Variants in KIRREL3 observed in about 807,000 individuals in gnomAD.
KIRREL3 encodes the protein kin of IRRE-like protein 3.
Under a neutral mutation model 89.7 loss-of-function variants are expected in KIRREL3, and 36 were observed. That is an observed-to-expected ratio of 0.40 (90% CI 0.31 to 0.53). The LOEUF (loss-of-function observed/expected upper bound fraction) is 0.53, where lower values mean the gene tolerates loss of function less well. Among genes scored for constraint, KIRREL3 ranks in the 20% least tolerant of loss-of-function variants. The pLI is 0.49. For missense variants in KIRREL3, 864 were observed against 1,056.6 expected (o/e 0.82, Z 2.53); for synonymous variants, 445 against 441.4 (o/e 1.01, Z -0.10).
intron 9 of KIRREL3, among the ~76,000 whole-genome samples, chr11:126,445,941 G>A (rs1311168355): frequency 6.6e-6 from 1 of 152,188 alleles, no homozygotes. Context: ...CTGAGGTTGG[G>A]AGTTTGAGAC....
chr11:126,518,841 C>T (rs570883240), intron 4 of KIRREL3, among the ~76,000 whole-genome samples: 166 of 152,358 alleles, frequency 1.1e-3, no homozygotes, highest in Non-Finnish European at 1.9e-3. Flanking sequence ...CTCAGCCAGG[C>T]GGAGCCCTGC....
chr11:126,913,591 C>T (rs991437337), intron 1 of KIRREL3, among the ~76,000 whole-genome samples: 3 of 152,196 alleles, frequency 2.0e-5, no homozygotes, highest in Admixed American at 2.0e-4. Flanking sequence ...AAGACAAAGA[C>T]AGAAAAAGAG....
chr11:126,647,538 G>A lies in KIRREL3; in HGVS notation c.56-84626C>T, dbSNP rs1018084985. ...GTTTATCAGGCACCTTTTAGTGTAA[G>A]GTACTCTGCTGGGAGCCCAAAAGTT... On this transcript the variant is annotated intron_variant, in intron 1 of 16. Transcript: ENST00000525144. This position sits in a 1 kb window ranked among gnomAD's most constrained non-coding sequence, Gnocchi z 4.9. 6.6e-6 allele frequency among the ~76,000 whole-genome samples: 1 copy of A among 152,168 alleles called. No individual in the cohort carries two copies. Among genetic ancestry groups the A allele is most frequent in the African/African-American group, 2.4e-5 (1 of 41,424 alleles).
Position 126,773,845 on chromosome 11 carries a change from A to G in KIRREL3, c.56-210933T>C, listed in dbSNP as rs1474134417. On this transcript the variant is annotated intron_variant, in intron 1 of 16. Transcript: ENST00000525144. This position sits in a 1 kb window ranked among gnomAD's most constrained non-coding sequence, Gnocchi z 4.2. ...TAAAAACAGAATGTGATTCCAAATTATTTGAATACTTCTGGGACTTTTAAA... is the reference window on the plus strand; with the variant it reads ...TAAAAACAGAATGTGATTCCAAATTGTTTGAATACTTCTGGGACTTTTAAA... Among the ~76,000 whole-genome samples the G allele has an allele frequency of 6.6e-6, 1 of 152,220 alleles. No individual in the cohort carries two copies. The highest frequency in any genetic ancestry group is 2.4e-5 in the African/African-American group (1 of 41,444).
intron 1 of KIRREL3, among the ~76,000 whole-genome samples, chr11:126,880,481 G>T (rs1225677676): frequency 6.6e-6 from 1 of 152,154 alleles, no homozygotes; most frequent in Non-Finnish European, 1.5e-5. Flanking sequence ...CAATATTTTA[G>T]ATTCTACTGC....
Position 126,877,013 on chromosome 11 carries a change from G to A in KIRREL3, c.55+123442C>T, listed in dbSNP as rs1945317251. ...AAGGAACAACAGATAAGGAAGAGGT[G>A]CAAGCTGCTGAGGTCTGCATAAGAA... is the stretch of plus-strand genomic sequence containing the variant. On this transcript the variant is annotated intron_variant, in intron 1 of 16. Coordinates refer to ENST00000525144, the MANE Select transcript of KIRREL3 (RefSeq NM_032531.4). The surrounding 1 kb of genome is among the most constrained non-coding windows in gnomAD (Gnocchi z 4.9). 6.6e-6 allele frequency among the ~76,000 whole-genome samples: 1 copy of A among 152,182 alleles called. No individual in the cohort carries two copies. The highest frequency in any genetic ancestry group is 1.5e-5 in the Non-Finnish European group (1 of 68,030).
At chr11:126,493,305 A>G (rs1316180271) in intron 4 of KIRREL3, among the ~76,000 whole-genome samples, 1 of 152,114 alleles carries the variant, frequency 6.6e-6, no homozygotes, top group African/African-American at 2.4e-5. Context: ...GTGGATCACG[A>G]GGCCAGGAGA....
In KIRREL3 at chr11:126,740,614, A is replaced by G. The variant is rs1948948974; in HGVS notation, c.56-177702T>C. On this transcript the variant is annotated intron_variant, in intron 1 of 16. Coordinates refer to ENST00000525144, the MANE Select transcript of KIRREL3 (RefSeq NM_032531.4). The surrounding 1 kb of genome is among the most constrained non-coding windows in gnomAD (Gnocchi z 6.0). ...CCTTTTGTCTTGAGAGGGAAGGCCA[A>G]TAAGATAATAATCCCTTAGCTTGAC... Among the ~76,000 whole-genome samples the G allele has an allele frequency of 6.6e-6, 1 of 152,138 alleles. No homozygotes were observed. Among genetic ancestry groups the G allele is most frequent in the Non-Finnish European group, 1.5e-5 (1 of 68,026 alleles).
At position 126,508,363 on chromosome 11, in the gene KIRREL3, G is replaced by A. The variant is rs1958094211; in HGVS notation, c.433+12952C>T. ...CAATTTAGAGGCTCAGAGTGATGGA[G>A]AAAGACGCGGCAGGTGGCCGCCCAG... On this transcript the variant is annotated intron_variant, in intron 4 of 16. Transcript: ENST00000525144. The surrounding 1 kb of genome is among the most constrained non-coding windows in gnomAD (Gnocchi z 4.9). 6.6e-6 allele frequency among the ~76,000 whole-genome samples: 1 copy of A among 152,148 alleles called. No individual in the cohort carries two copies. Among genetic ancestry groups the A allele is most frequent in the Non-Finnish European group, 1.5e-5 (1 of 68,032 alleles).
rs528734724 is a variant in KIRREL3, at chr11:126,909,677, C to T, written c.55+90778G>A. 1.2e-4 allele frequency among the ~76,000 whole-genome samples: 18 copies of T among 152,248 alleles called. No homozygotes were observed. Among genetic ancestry groups the T allele is most frequent in the Admixed American group, 2.0e-4 (3 of 15,302 alleles). ...AGCCTACCAAAGAAGGGAGAAATGT[C>T]CTTTGCTCTCCATAACCCTAGGGGA... On this transcript the variant is annotated intron_variant, in intron 1 of 16. Transcript: ENST00000525144. The surrounding 1 kb of genome is among the most constrained non-coding windows in gnomAD (Gnocchi z 4.5).
intron 1 of KIRREL3, among the ~76,000 whole-genome samples, chr11:126,838,674 A>AT (rs1407879214): frequency 6.6e-5 from 10 of 152,184 alleles, no homozygotes; most frequent in South Asian, 6.2e-4. Context: ...ATGTATATGT[A>AT]TTTTTTTCCT....
At chr11:126,470,241 C>T (rs1956847938) in intron 5 of KIRREL3, among the ~76,000 whole-genome samples, 1 of 152,334 alleles carries the variant, frequency 6.6e-6, no homozygotes, top group Admixed American at 6.5e-5. Context: ...CAGGGAGGGA[C>T]AGGACAGGTG....
chr11:126,865,048 G>T (rs1188901168), intron 1 of KIRREL3, among the ~76,000 whole-genome samples: 1 of 152,160 alleles, frequency 6.6e-6, no homozygotes, highest in Non-Finnish European at 1.5e-5. Flanking sequence ...TTGTTATAAG[G>T]CTCAGGGAAT....
rs1294640870 is a variant in KIRREL3, at chr11:126,811,300, C to T, written c.55+189155G>A. On this transcript the variant is annotated intron_variant, in intron 1 of 16. Transcript: ENST00000525144. This position sits in a 1 kb window ranked among gnomAD's most constrained non-coding sequence, Gnocchi z 4.3. ...CCTCTTTCTTCAGAGAGAACTTTGA[C>T]CCAGAACCGAGTGACTGTTATGGAG... Among the ~76,000 whole-genome samples, 2 of 152,208 alleles carry T rather than the reference C, an allele frequency of 1.3e-5. No homozygotes were observed. Among genetic ancestry groups the T allele is most frequent in the African/African-American group, 4.8e-5 (2 of 41,454 alleles).
chr11:126,525,352 A>C lies in KIRREL3; in HGVS notation c.283+1186T>G, dbSNP rs1359752052. Among the ~76,000 whole-genome samples, 1 of 152,144 alleles carries C rather than the reference A, an allele frequency of 6.6e-6. No homozygotes were observed. The highest frequency in any genetic ancestry group is 2.4e-5 in the African/African-American group (1 of 41,434). On this transcript the variant is annotated intron_variant, in intron 3 of 16. Transcript: ENST00000525144. The surrounding 1 kb of genome is among the most constrained non-coding windows in gnomAD (Gnocchi z 5.4). Reference sequence around the variant, plus strand: ...GTTTCTCTAGGGTAAAGGCGTTCGGAGTCTCTGAAATTGGCTGGTTCCCAT... The same window carrying C: ...GTTTCTCTAGGGTAAAGGCGTTCGGCGTCTCTGAAATTGGCTGGTTCCCAT...
Position 126,611,681 on chromosome 11 carries a change from G to A in KIRREL3, c.56-48769C>T, listed in dbSNP as rs557088686. On this transcript the variant is annotated intron_variant, in intron 1 of 16. Transcript: ENST00000525144. This position sits in a 1 kb window ranked among gnomAD's most constrained non-coding sequence, Gnocchi z 4.7. ...CAGATGGCTGCTCTCTGGGCTGCAC[G>A]CACGTTGGGTTCACTGATCGCAGAG... Among the ~76,000 whole-genome samples, 46 of 152,282 alleles carry A rather than the reference G, an allele frequency of 3.0e-4. No individual in the cohort carries two copies. The highest frequency in any genetic ancestry group is 1.0e-3 in the African/African-American group (43 of 41,564).
In KIRREL3 at chr11:126,994,600, A is replaced by C. The variant is rs1353706168; in HGVS notation, c.55+5855T>G. 6.6e-6 allele frequency among the ~76,000 whole-genome samples: 1 copy of C among 152,210 alleles called. No homozygotes were observed. The highest frequency in any genetic ancestry group is 2.4e-5 in the African/African-American group (1 of 41,450). On this transcript the variant is annotated intron_variant, in intron 1 of 16. Coordinates refer to ENST00000525144, the MANE Select transcript of KIRREL3 (RefSeq NM_032531.4). This position sits in a 1 kb window ranked among gnomAD's most constrained non-coding sequence, Gnocchi z 5.2. ...CACTTATCCAATATTGACATTTACCAACTTCTAGAAGTATACAGCCAGAAT... is the reference window on the plus strand; with the variant it reads ...CACTTATCCAATATTGACATTTACCCACTTCTAGAAGTATACAGCCAGAAT...
At chr11:126,982,741 TA>T (rs1248445602) in intron 1 of KIRREL3, among the ~76,000 whole-genome samples, 1 of 152,288 alleles carries the variant, frequency 6.6e-6, no homozygotes, top group East Asian at 1.9e-4. Context: ...GTGCAGGCAG[TA>T]AGCCTCCTAC....
rs894284300 is a variant in KIRREL3, at chr11:126,791,905, C to G, written c.55+208550G>C. Among the ~76,000 whole-genome samples, 2 of 152,120 alleles carry G rather than the reference C, an allele frequency of 1.3e-5. No individual in the cohort carries two copies. Among genetic ancestry groups the G allele is most frequent in the Non-Finnish European group, 2.9e-5 (2 of 68,016 alleles). On this transcript the variant is annotated intron_variant, in intron 1 of 16. Coordinates refer to ENST00000525144, the MANE Select transcript of KIRREL3 (RefSeq NM_032531.4). The surrounding 1 kb of genome is among the most constrained non-coding windows in gnomAD (Gnocchi z 4.8). ...TCACACTTGCTGTCTGCTGTGAAAA[C>G]AGTTTAGAGGGAAGGCGGGGCTGCT...
Sources: allele counts gnomAD v4.1 joint callset (sites outside exome capture counted in the v4.1 genomes callset), GRCh38; gene constraint gnomAD v4.1.1; non-coding constraint Gnocchi (gnomAD v3.1); transcripts MANE v1.5; gene names NCBI Gene and HGNC (gene_info 2026-07-23, HGNC 2026-07-21).